Variants in ASTN2 observed in about 807,000 individuals in gnomAD.
ASTN2 encodes astrotactin 2.
A neutral mutation model predicts 139.8 loss-of-function variants in ASTN2; 54 were observed. The observed-to-expected ratio is 0.39, with a 90% CI of 0.31 to 0.48. The LOEUF (loss-of-function observed/expected upper bound fraction) is 0.48, where lower values mean the gene tolerates loss of function less well. ASTN2 is among the 20% of genes least tolerant of loss of function. ASTN2 has a pLI of 0.95. For synonymous variants in ASTN2, 756 were observed against 719.5 expected (o/e 1.05, Z -0.81); for missense variants, 1,565 against 1,725.1 (o/e 0.91, Z 1.64).
intron 1 of ASTN2, among the ~76,000 whole-genome samples, chr9:117,350,757 G>A (rs542723991): frequency 3.3e-5 from 5 of 152,212 alleles, no homozygotes; most frequent in South Asian, 2.1e-4. Context: ...AATCTTCTAC[G>A]TTAGGCTAAG....
intron 14 of ASTN2, 47 bp downstream of exon 14, chr9:116,733,352 G>C (rs747990725): frequency 6.2e-7 from 1 of 1,600,998 alleles, no homozygotes; most frequent in Non-Finnish European, 8.5e-7. Flanking sequence ...GTGGAGACTC[G>C]GTGTGTGGTC....
intron 19 of ASTN2, among the ~76,000 whole-genome samples, chr9:116,595,410 C>T (rs922116511): frequency 4.0e-5 from 6 of 151,566 alleles, no homozygotes; most frequent in African/African-American, 1.2e-4. Context: ...TCACTACAAC[C>T]TCCACCTCCC....
At chr9:116,773,797 T>A (rs986235023) in intron 13 of ASTN2, among the ~76,000 whole-genome samples, 2 of 152,150 alleles carry the variant, frequency 1.3e-5, no homozygotes, top group African/African-American at 4.8e-5. Flanking sequence ...CAGGATTGAA[T>A]CTGCTTTGTC....
chr9:116,742,302 C>T (rs181716028), intron 13 of ASTN2, among the ~76,000 whole-genome samples: 15 of 152,236 alleles, frequency 9.9e-5, no homozygotes, highest in Non-Finnish European at 2.1e-4. Context: ...TTTTAATATA[C>T]AGATTGGGCA....
chr9:117,237,604 C>G (rs1024043800), intron 2 of ASTN2, among the ~76,000 whole-genome samples: 1 of 152,130 alleles, frequency 6.6e-6, no homozygotes, highest in Non-Finnish European at 1.5e-5. Context: ...CTCAGCCTCC[C>G]GAGTAGCTGG....
At chr9:117,159,181 C>A (rs939829990) in intron 3 of ASTN2, among the ~76,000 whole-genome samples, 3 of 151,958 alleles carry the variant, frequency 2.0e-5, no homozygotes, top group African/African-American at 7.2e-5. Context: ...CCAATTATGA[C>A]CACTATCGCA....
chr9:116,932,642 C>G (rs551092239), intron 10 of ASTN2, among the ~76,000 whole-genome samples: 1 of 152,194 alleles, frequency 6.6e-6, no homozygotes, highest in African/African-American at 2.4e-5. Flanking sequence ...CAGAAAGCTA[C>G]AGGAACCTGG....
intron 19 of ASTN2, among the ~76,000 whole-genome samples, chr9:116,501,404 T>A (rs1849849069): frequency 6.6e-6 from 1 of 152,170 alleles, no homozygotes; most frequent in Admixed American, 6.5e-5. Flanking sequence ...TTTGCTATGG[T>A]GAATAGTGCC....
At chr9:116,441,191 A>G (rs188216791) in intron 21 of ASTN2, among the ~76,000 whole-genome samples, 2 of 152,008 alleles carry the variant, frequency 1.3e-5, no homozygotes, top group Non-Finnish European at 2.9e-5. Flanking sequence ...CCTTTGTTGT[A>G]TTTCCAACAC....
chr9:117,056,673 T>G (rs1369430561), intron 5 of ASTN2, among the ~76,000 whole-genome samples: 1 of 152,192 alleles, frequency 6.6e-6, no homozygotes, highest in Non-Finnish European at 1.5e-5. Context: ...CTTGTTATCT[T>G]TACCAAGGCA....
At chr9:116,899,852 G>T (rs1163280336) in intron 10 of ASTN2, among the ~76,000 whole-genome samples, 1 of 152,054 alleles carries the variant, frequency 6.6e-6, no homozygotes, top group Admixed American at 6.6e-5. Context: ...ACCTAAGATT[G>T]GTATTTGAGG....
At chr9:117,328,880 C>A (rs556933322) in intron 1 of ASTN2, among the ~76,000 whole-genome samples, 18 of 152,020 alleles carry the variant, frequency 1.2e-4, no homozygotes, top group African/African-American at 4.1e-4. Flanking sequence ...CATCTCATGG[C>A]GAGGAAAAGA....
At chr9:117,089,070 T>G (rs941693998) in intron 5 of ASTN2, among the ~76,000 whole-genome samples, 2 of 152,216 alleles carry the variant, frequency 1.3e-5, no homozygotes, top group Admixed American at 6.5e-5. Flanking sequence ...ACTGTGAGGT[T>G]CGGTGCTGAG....
chr9:116,977,233 A>G (rs916492985), intron 7 of ASTN2, among the ~76,000 whole-genome samples: 1 of 152,218 alleles, frequency 6.6e-6, no homozygotes, highest in Non-Finnish European at 1.5e-5. Context: ...ATAAATCCCA[A>G]GTTAAATGCC....
chr9:116,469,544 A>C (rs1848749045), intron 20 of ASTN2, among the ~76,000 whole-genome samples: 1 of 152,178 alleles, frequency 6.6e-6, no homozygotes, highest in Non-Finnish European at 1.5e-5. Context: ...CCTGCTTTCA[A>C]ATGCTAGTTC....
At chr9:117,003,117 C>A (rs1161183607) in intron 7 of ASTN2, among the ~76,000 whole-genome samples, 4 of 152,180 alleles carry the variant, frequency 2.6e-5, no homozygotes, top group African/African-American at 9.7e-5. Flanking sequence ...GAACCCAGGA[C>A]ACAAGGCAAA....
At chr9:116,493,225 G>C (rs1849571277) in intron 19 of ASTN2, among the ~76,000 whole-genome samples, 1 of 152,128 alleles carries the variant, frequency 6.6e-6, no homozygotes, top group African/African-American at 2.4e-5. Flanking sequence ...CTCTACCTGG[G>C]AGGCCTCTGC....
intron 20 of ASTN2, among the ~76,000 whole-genome samples, chr9:116,446,264 GAGAGAGAT>G (rs1023635428): frequency 2.9e-4 from 21 of 72,394 alleles, no homozygotes; most frequent in Admixed American, 6.3e-4. Flanking sequence ...GGGAGAGAGA[GAGAGAGAT>G]AGAGAGAGAG....
intron 16 of ASTN2, among the ~76,000 whole-genome samples, chr9:116,667,103 G>A (rs1296043193): frequency 6.6e-6 from 1 of 151,382 alleles, no homozygotes; most frequent in African/African-American, 2.4e-5. Flanking sequence ...CTACAGGTGT[G>A]CACCACCACC....
Sources: allele counts gnomAD v4.1 joint callset (sites outside exome capture counted in the v4.1 genomes callset), GRCh38; gene constraint gnomAD v4.1.1; transcripts MANE v1.5; gene names NCBI Gene and HGNC (gene_info 2026-07-23, HGNC 2026-07-21).